The following PPWD1 variants were observed in gnomAD, a reference collection of about 807,000 sequenced individuals.
PPWD1 encodes the protein peptidylprolyl isomerase domain and WD repeat containing 1, also known as peptidylprolyl isomerase domain and WD repeat-containing protein 1.
A neutral mutation model predicts 68.8 loss-of-function variants in PPWD1; 43 were observed. The ratio of observed to expected loss-of-function variants is 0.62; its 90% CI spans 0.49 to 0.81. PPWD1 has a LOEUF of 0.81. Ranked by LOEUF, PPWD1 falls within the 30% of genes least tolerant of loss-of-function variation. PPWD1 has a pLI of 0.00. For synonymous variants in PPWD1, 232 were observed against 258.7 expected, an observed-to-expected ratio of 0.90 and a Z score of 0.99; for missense variants, 672 against 804.8, an observed-to-expected ratio of 0.83 and a Z score of 2.00.
At chr5:65,572,871 G>C (rs1753077212) in intron 5 of PPWD1, among the ~76,000 whole-genome samples, 1 of 151,998 alleles carries the variant, frequency 6.6e-6, no homozygotes. Flanking sequence ...ATGCTCTTTT[G>C]CCTGACCTAT....
chr5:65,579,622 A>T lies in PPWD1; in HGVS notation c.1350+9A>T. On this transcript the variant is annotated intron_variant, in intron 7 of 10. Coordinates refer to ENST00000261308, the MANE Select transcript of PPWD1 (RefSeq NM_015342.4). ...AGAATAGATTTTATATGGTATGTGTAAGTACTAGGAGATTAGACGGTAATG... is the reference window on the plus strand; with the variant it reads ...AGAATAGATTTTATATGGTATGTGTTAGTACTAGGAGATTAGACGGTAATG... 1 of 1,513,952 alleles carries T rather than the reference A, an allele frequency of 6.6e-7. No homozygotes were observed. Among genetic ancestry groups the T allele is most frequent in the Non-Finnish European group, 8.8e-7 (1 of 1,131,314 alleles). 93.8% of individuals were successfully genotyped at this position (1,513,952 alleles called of 1,614,324 possible). A position where few individuals can be genotyped will look rare whatever the true frequency, so the allele number is the denominator to read the frequency against.
At chr5:65,578,683 T>C (rs1753424918) in intron 6 of PPWD1, among the ~76,000 whole-genome samples, 1 of 149,506 alleles carries the variant, frequency 6.7e-6, no homozygotes, top group South Asian at 2.1e-4. Flanking sequence ...GTTGTGTTCT[T>C]ATTGTTGTGT....
chr5:65,576,649 A>G (rs1753298245), intron 5 of PPWD1, among the ~76,000 whole-genome samples: 1 of 152,214 alleles, frequency 6.6e-6, no homozygotes, highest in South Asian at 2.1e-4. Context: ...TGCTGGGATT[A>G]GAGGCATAAG....
At chr5:65,568,979 GC>G (rs1267608284) in intron 2 of PPWD1, 6 of 455,706 alleles carry the variant, frequency 1.3e-5, no homozygotes, top group African/African-American at 1.2e-4. Context: ...AGCCACTCTA[GC>G]TATATGGACC....
In PPWD1 at chr5:65,572,000, A is replaced by C. The variant is rs1753033424; in HGVS notation, c.683A>C (p.Gln228Pro). 1.2e-6 allele frequency: 2 copies of C among 1,613,950 alleles called. No homozygotes were observed. The highest frequency in any genetic ancestry group is 1.7e-6 in the Non-Finnish European group (2 of 1,179,938). The change falls in exon 5 of 11, where the codon CAG (glutamine) becomes CCG (proline). Residue 228 changes from glutamine (Q) to proline (P), a missense_variant. Around this residue, in one of 2 missense-constraint regions of PPWD1, gnomAD observed 484 missense variants for 646.2 expected, o/e 0.75. Transcript: ENST00000261308. ...AAACTCCATACATCACCTCTTACTCAGATACGGCTAAACCCAGTTTACAAA... is the reference window on the plus strand; with the variant it reads ...AAACTCCATACATCACCTCTTACTCCGATACGGCTAAACCCAGTTTACAAA... ...FDKLHTSPLT[Q>P]IRLNPVYKAV...
At chr5:65,572,599 C>G (rs183873581) in intron 5 of PPWD1, among the ~76,000 whole-genome samples, 169 of 152,264 alleles carry the variant, frequency 1.1e-3, no homozygotes, top group African/African-American at 3.9e-3. Context: ...TATCTTCTCA[C>G]TCTTTATTCA....
chr5:65,564,358 T>C (rs1245249323), intron 1 of PPWD1, among the ~76,000 whole-genome samples: 3 of 138,026 alleles, frequency 2.2e-5, no homozygotes, highest in Non-Finnish European at 4.6e-5. Flanking sequence ...GGAGTCTCGC[T>C]CTGTCGCCCA....
At position 65,571,895 on chromosome 5, in the gene PPWD1, T is replaced by G; in HGVS notation, c.578T>G (p.Val193Gly). 6.2e-7 allele frequency: 1 copy of G among 1,614,120 alleles called. No individual in the cohort carries two copies. The highest frequency in any genetic ancestry group is 8.5e-7 in the Non-Finnish European group (1 of 1,179,988). Residue 193 changes from valine (V) to glycine (G), a missense_variant, in exon 5 of 11, where the codon GTT (valine) becomes GGT (glycine). Around this residue, in one of 2 missense-constraint regions of PPWD1, gnomAD observed 484 missense variants for 646.2 expected, o/e 0.75. Transcript: ENST00000261308. ...TGCCCAGGGGATGCAATTTCTTCAG[T>G]TGCTGCTTCCGAAAAGAGTACAGGA... ...IYCPGDAISS[V>G]AASEKSTGKI...
intron 5 of PPWD1, 180 bp from the exon 6 acceptor site, chr5:65,576,699 G>A: frequency 3.5e-6 from 3 of 856,396 alleles, no homozygotes; most frequent in Non-Finnish European, 4.2e-6. Flanking sequence ...TTAGTGATTG[G>A]ACTTACTAAT....
In PPWD1 at chr5:65,570,005, CTT is replaced by C. The variant is rs1366536297; in HGVS notation, c.521+11_521+12del. 3.1e-6 allele frequency: 5 copies of C among 1,605,736 alleles called. No individual in the cohort carries two copies. In the East Asian group the frequency reaches 1.1e-4, roughly 36 times the overall value. On this transcript the variant is annotated splice_region_variant and intron_variant, in intron 4 of 10. Coordinates refer to ENST00000261308, the MANE Select transcript of PPWD1 (RefSeq NM_015342.4). ...TCAACATGCTGAAACTTGGGTGAGT[CTT>C]TTTAAAAGTATATATATTTTAACTT... is the stretch of plus-strand genomic sequence containing the variant.
intron 6 of PPWD1, chr5:65,579,206 C>G: frequency 1.6e-6 from 1 of 612,420 alleles, no homozygotes; most frequent in Non-Finnish European, 2.3e-6. Context: ...TGTGAGCCAC[C>G]GTGCCTGGCC....
intron 9 of PPWD1, among the ~76,000 whole-genome samples, chr5:65,585,541 A>G (rs941576736): frequency 3.3e-5 from 5 of 152,062 alleles, no homozygotes; most frequent in African/African-American, 1.2e-4. Context: ...GCTTTCCATA[A>G]AGTGGATGGG....
rs10682457 is a variant in PPWD1, at chr5:65,584,878, G to GAAAA, written c.1533-128_1533-125dup. 3.8e-3 allele frequency: 4,350 copies of GAAAA among 1,156,348 alleles called. 5 individuals carry two copies. Among genetic ancestry groups the GAAAA allele is most frequent in the South Asian group, 4.1e-3 (189 of 45,602 alleles). 71.6% of individuals were successfully genotyped at this position (1,156,348 alleles called of 1,614,324 possible). ...TGCTTGTCCTGAGATTAGAGATTAT[G>GAAAA]AAAAAAAAAAACAACTGTCCTTCTG... On this transcript the variant is annotated intron_variant, in intron 8 of 10. Coordinates refer to ENST00000261308, the MANE Select transcript of PPWD1 (RefSeq NM_015342.4).
chr5:65,572,186 C>G lies in PPWD1; in HGVS notation c.869C>G (p.Pro290Arg). The change falls in exon 5 of 11, where the codon CCA becomes CGA. Residue 290 changes from proline to arginine, a missense_variant. Physicochemically the swap from Pro to Arg is moderately radical, Grantham distance 103 (BLOSUM62 -2). This residue lies in a region of PPWD1 where 484 missense variants were observed against 646.2 expected (regional missense o/e 0.75). Coordinates refer to ENST00000261308, the MANE Select transcript of PPWD1 (RefSeq NM_015342.4). Reference sequence around the variant, plus strand: ...TATCCAACCAGCGTATGTTTTTCACCAGATGGGAAGAAAATAGCTACTATT... The same window carrying G: ...TATCCAACCAGCGTATGTTTTTCACGAGATGGGAAGAAAATAGCTACTATT... Reference protein sequence around the residue: ...KAYPTSVCFSPDGKKIATIGS... With the variant: ...KAYPTSVCFSRDGKKIATIGS... 6.2e-7 allele frequency: 1 copy of G among 1,613,636 alleles called. No individual in the cohort carries two copies. Among genetic ancestry groups the G allele is most frequent in the Middle Eastern group, 1.7e-4 (1 of 6,058 alleles).
intron 5 of PPWD1, among the ~76,000 whole-genome samples, chr5:65,573,971 T>G (rs1581155500): frequency 6.6e-6 from 1 of 152,348 alleles, no homozygotes; most frequent in East Asian, 1.9e-4. Flanking sequence ...TGATTGCAAC[T>G]ATTGCCATCA....
intron 8 of PPWD1, among the ~76,000 whole-genome samples, chr5:65,584,274 T>C (rs1753722702): frequency 6.6e-6 from 1 of 152,168 alleles, no homozygotes; most frequent in African/African-American, 2.4e-5. Context: ...TGTACTTGGG[T>C]ACAAGATTCT....
rs368870571 is a variant in PPWD1 at position 65,579,544 on chromosome 5, T to C, written c.1281T>C (p.Pro427=). ...TAGAAATGAAAGCTTCTGAAAATCC[T>C]GTTCTTCAGAATATTCAAGCTGACC... ...TTIEMKASEN[P]VLQNIQADPT... The change falls in exon 7 of 11, where the codon CCT becomes CCC. Residue 427 remains proline (P), a synonymous_variant. Transcript: ENST00000261308. The C allele has an allele frequency of 9.9e-6, 16 of 1,609,946 alleles. No homozygotes were observed. The African/African-American group carries it at 1.7e-4, about 18-fold the overall frequency.
chr5:65,578,740 A>ATAT (rs1753432035), intron 6 of PPWD1, among the ~76,000 whole-genome samples: 1 of 83,326 alleles, frequency 1.2e-5, no homozygotes, highest in Non-Finnish European at 2.7e-5. Context: ...ATATACATAT[A>ATAT]TATATACACA....
chr5:65,587,488 G>T lies in PPWD1; in HGVS notation c.*92G>T. On this transcript the variant is annotated 3_prime_UTR_variant, in exon 11 of 11. Coordinates refer to ENST00000261308, the MANE Select transcript of PPWD1 (RefSeq NM_015342.4). ...AAGCTTAGGACTTGCTGAATATACA[G>T]ATCATGTTTCAAAGATACAGTATTT... 1 of 982,260 alleles carries T rather than the reference G, an allele frequency of 1.0e-6. No individual in the cohort carries two copies. Among genetic ancestry groups the T allele is most frequent in the Non-Finnish European group, 1.4e-6 (1 of 717,546 alleles). The allele number at this position is 982,260 out of a possible 1,614,324, so 60.8% of individuals were successfully genotyped here. A position where few individuals can be genotyped will look rare whatever the true frequency, so the allele number is the denominator to read the frequency against.
Sources: gnomAD v4.1 joint callset for allele counts (sites outside exome capture counted in the v4.1 genomes callset) on GRCh38, gnomAD v4.1.1 for gene constraint, gnomAD v4.1.1 regional missense constraint, MANE v1.5 for transcripts, NCBI Gene and HGNC (gene_info 2026-07-23, HGNC 2026-07-21) for gene names.